The following LTBP4 variants were observed in gnomAD, a reference collection of about 807,000 sequenced individuals.
LTBP4 encodes latent-transforming growth factor beta-binding protein 4.
In LTBP4, 93 loss-of-function variants were observed where a neutral mutation model predicts 180.2. That is an observed-to-expected ratio of 0.52 (90% CI 0.44 to 0.61). The LOEUF is 0.61. Ranked by LOEUF, LTBP4 falls within the 20% of genes least tolerant of loss-of-function variation. LTBP4 has a pLI of 0.00. For synonymous variants in LTBP4, 947 were observed against 934.5 expected (o/e 1.01, Z -0.24); for missense variants, 2,116 against 2,256.5 (o/e 0.94, Z 1.26).
chr19:40,606,185 C>G, intron 4 of LTBP4, 48 bp from the exon 5 acceptor site: 2 of 1,510,826 alleles, frequency 1.3e-6, no homozygotes, highest in Non-Finnish European at 1.8e-6. Flanking sequence ...CCACTCCATT[C>G]TCGCTCTGCC....
At position 40,611,211 on chromosome 19, in the gene LTBP4, C is replaced by CCTGGCT. The variant is rs1568406451; in HGVS notation, c.1873_1878dup (p.Gly625_Ser626dup). 6.2e-7 allele frequency: 1 copy of CCTGGCT among 1,613,814 alleles called. No homozygotes were observed. Among genetic ancestry groups the CCTGGCT allele is most frequent in the Non-Finnish European group, 8.5e-7 (1 of 1,179,836 alleles). The stretch of plus-strand genomic sequence containing the variant: ...TGGCCGAGGGGCCTGCAAGAACCTG[C>CCTGGCT]CTGGCTCTTTCCGCTGTGTTTGCCC... On this transcript the variant is annotated inframe_insertion, in exon 13 of 30. Transcript: ENST00000396819. The surrounding 1 kb of genome is among the most constrained non-coding windows in gnomAD (Gnocchi z 4.4).
intron 22 of LTBP4, among the ~76,000 whole-genome samples, chr19:40,621,514 C>T (rs2081586058): frequency 6.6e-6 from 1 of 152,064 alleles, no homozygotes; most frequent in Non-Finnish European, 1.5e-5. Context: ...AAGATAGAAT[C>T]AGATTTTGAA....
Position 40,613,557 on chromosome 19 carries a change from G to A in LTBP4, c.2557+28G>A, listed in dbSNP as rs750870937. ...TCGTACCCGGGCTGATCCTGGCCCC[G>A]GAAAGGGTGGGCTTAGGGCAGGAAA... On this transcript the variant is annotated intron_variant, in intron 17 of 29. Coordinates refer to ENST00000396819, the MANE Select transcript of LTBP4 (RefSeq NM_001042545.2). The surrounding 1 kb of genome is among the most constrained non-coding windows in gnomAD (Gnocchi z 5.0). 1.9e-6 allele frequency: 3 copies of A among 1,554,700 alleles called. No individual in the cohort carries two copies. Among genetic ancestry groups the A allele is most frequent in the South Asian group, 2.4e-5 (2 of 84,872 alleles).
intron 26 of LTBP4, 57 bp downstream of exon 26, chr19:40,624,139 AC>A (rs2081607938): frequency 2.1e-6 from 3 of 1,463,050 alleles, no homozygotes; most frequent in Non-Finnish European, 2.7e-6. Flanking sequence ...TCACACCCGC[AC>A]CCGGGCCACA....
At chr19:40,600,926 T>G (rs2081418815), upstream of LTBP4, among the ~76,000 whole-genome samples, 2 of 152,172 alleles carry the variant, frequency 1.3e-5, no homozygotes, top group African/African-American at 4.8e-5. The surrounding 1 kb of genome is among the most constrained non-coding windows in gnomAD (Gnocchi z 4.4). Flanking sequence ...ATGTCCCACC[T>G]GGCTGTCCAG....
intron 26 of LTBP4, among the ~76,000 whole-genome samples, chr19:40,625,252 TTATA>T (rs71173663): frequency 2.0e-4 from 9 of 44,014 alleles, no homozygotes; most frequent in Non-Finnish European, 3.4e-4. Flanking sequence ...ATTTTTGTAT[TTATA>T]TATATATATA....
At chr19:40,616,245 G>T (rs2081547681) in intron 19 of LTBP4, among the ~76,000 whole-genome samples, 1 of 149,362 alleles carries the variant, frequency 6.7e-6, no homozygotes, top group South Asian at 2.1e-4. Context: ...AGTGAGCCAT[G>T]ATCCTGTCAC....
rs533609541 is a variant in LTBP4 at position 40,610,749 on chromosome 19, G to A, written c.1810+92G>A. On this transcript the variant is annotated intron_variant, in intron 12 of 29. Coordinates refer to ENST00000396819, the MANE Select transcript of LTBP4 (RefSeq NM_001042545.2). ...CAGAGAGACTGAACAATAGGGCAAA[G>A]CGAGTTGATTTGGAGACAGAGGCCA... 7 of 1,475,838 alleles carry A rather than the reference G, an allele frequency of 4.7e-6. No homozygotes were observed. The South Asian group carries it at 8.4e-5, about 18-fold the overall frequency. 91.4% of individuals were successfully genotyped at this position (1,475,838 alleles called of 1,614,324 possible).
chr19:40,602,194 TGGG>T (rs2081429277), intron 1 of LTBP4, among the ~76,000 whole-genome samples: 2 of 32,332 alleles, frequency 6.2e-5, no homozygotes, highest in Admixed American at 3.2e-4. Context: ...GCGGCGGGGG[TGGG>T]GTGGGGGTGT....
At position 40,609,456 on chromosome 19, in the gene LTBP4, G is replaced by A; in HGVS notation, c.1427-74G>A. On this transcript the variant is annotated intron_variant, in intron 9 of 29. Coordinates refer to ENST00000396819, the MANE Select transcript of LTBP4 (RefSeq NM_001042545.2). This position sits in a 1 kb window ranked among gnomAD's most constrained non-coding sequence, Gnocchi z 4.9. ...AAGGTGTTTTATGGATGTCTCCGGGGGTGGGGGTTTTACTGGGATGAAAGG... is the reference window on the plus strand; with the variant it reads ...AAGGTGTTTTATGGATGTCTCCGGGAGTGGGGGTTTTACTGGGATGAAAGG... 6.3e-7 allele frequency: 1 copy of A among 1,576,000 alleles called. No individual in the cohort carries two copies. The highest frequency in any genetic ancestry group is 1.1e-5 in the South Asian group (1 of 89,430).
chr19:40,614,474 A>G, intron 19 of LTBP4, 28 bp downstream of exon 19: 1 of 1,590,866 alleles, frequency 6.3e-7, no homozygotes, highest in Non-Finnish European at 8.5e-7. Flanking sequence ...CGCCTTCGCT[A>G]GCGCTTGCAA....
At chr19:40,599,626 C>T (rs2081409805), upstream of LTBP4, 6 of 1,468,964 alleles carry the variant, frequency 4.1e-6, no homozygotes, top group East Asian at 1.1e-4. Flanking sequence ...GTTTCCGCTC[C>T]TCCTCCCTTC....
intron 1 of LTBP4, among the ~76,000 whole-genome samples, chr19:40,601,999 C>A (rs1158857443): frequency 6.6e-6 from 1 of 151,740 alleles, no homozygotes; most frequent in African/African-American, 2.4e-5. Context: ...GGGGACCAAG[C>A]AAGAGTCTCA....
At chr19:40,597,529 TTG>T (rs2081397682), upstream of LTBP4, 1 of 906,854 alleles carries the variant, frequency 1.1e-6, no homozygotes. Context: ...CGCCCTCAAT[TTG>T]TAGGGGTTAG....
intron 22 of LTBP4, among the ~76,000 whole-genome samples, chr19:40,620,697 A>G (rs1016805123): frequency 6.8e-6 from 1 of 147,642 alleles, no homozygotes; most frequent in Non-Finnish European, 1.5e-5. Flanking sequence ...AATCGCTTGA[A>G]TCCAGGAGGC....
intron 5 of LTBP4, 45 bp from the exon 6 acceptor site, chr19:40,606,359 G>C (rs760663935): frequency 1.9e-6 from 3 of 1,604,492 alleles, no homozygotes; most frequent in Non-Finnish European, 2.6e-6. Context: ...GGGATTTGCA[G>C]GGATCAAGTT....
Position 40,606,438 on chromosome 19 carries a change from G to T in LTBP4, c.903G>T (p.Gln301His). ...AGTGCGCGACTGGCGGGCGCTGCCA[G>T]CACGGCGAGTGTGCAAACACGCGCG... ...VDECATGGRC[Q>H]HGECANTRGG... Residue 301 changes from glutamine (Q) to histidine (H), a missense_variant, in exon 6 of 30, where the codon CAG becomes CAT. Transcript: ENST00000396819. 2 of 1,590,328 alleles carry T rather than the reference G, an allele frequency of 1.3e-6. No individual in the cohort carries two copies. Among genetic ancestry groups the T allele is most frequent in the African/African-American group, 2.7e-5 (2 of 74,568 alleles).
In LTBP4 at chr19:40,622,545, C is replaced by T. The variant is rs1190941664; in HGVS notation, c.3362C>T (p.Ala1121Val). 20 of 1,613,702 alleles carry T rather than the reference C, an allele frequency of 1.2e-5. No homozygotes were observed. Among genetic ancestry groups the T allele is most frequent in the East Asian group, 2.2e-5 (1 of 44,904 alleles). Reference sequence around the variant, plus strand: ...CGCCGGGAGTGCTACTTTGACACAGCGGCCCCGGATGCATGTGACAACATC... The same window carrying T: ...CGCCGGGAGTGCTACTTTGACACAGTGGCCCCGGATGCATGTGACAACATC... The part of the protein sequence containing the change: ...SGRRECYFDT[A>V]APDACDNILA... The change falls in exon 23 of 30, where the codon GCG becomes GTG. Residue 1121 changes from alanine to valine, a missense_variant. Around this residue, in one of 5 missense-constraint regions of LTBP4, gnomAD observed 278 missense variants for 373.0 expected, o/e 0.75. Transcript: ENST00000396819. The surrounding 1 kb of genome is among the most constrained non-coding windows in gnomAD (Gnocchi z 5.1).
intron 26 of LTBP4, among the ~76,000 whole-genome samples, chr19:40,624,827 C>A (rs531638935): frequency 6.6e-6 from 1 of 151,820 alleles, no homozygotes; most frequent in South Asian, 2.1e-4. Flanking sequence ...CTGTCTCTTT[C>A]CAGCTGTTTG....
Sources: gnomAD v4.1 joint callset for allele counts (sites outside exome capture counted in the v4.1 genomes callset) on GRCh38, gnomAD v4.1.1 for gene constraint, gnomAD v4.1.1 regional missense constraint, Gnocchi (gnomAD v3.1) non-coding constraint, MANE v1.5 for transcripts, NCBI Gene and HGNC (gene_info 2026-07-23, HGNC 2026-07-21) for gene names.